The following COL13A1 variants were observed in gnomAD, a reference collection of about 807,000 sequenced individuals.
The protein encoded by COL13A1 is collagen type XIII alpha 1 chain, also known as collagen alpha-1(XIII) chain.
COL13A1 carries 89 observed loss-of-function variants against 130.9 expected under a neutral mutation model. The ratio of observed to expected loss-of-function variants is 0.68; its 90% CI spans 0.57 to 0.81. The LOEUF (loss-of-function observed/expected upper bound fraction) is 0.81. Among genes scored for constraint, COL13A1 ranks in the 30% least tolerant of loss-of-function variants. The probability of loss-of-function intolerance (pLI) is 0.00; values close to 1 mark genes in which losing one functional copy is unlikely to be tolerated. For missense variants in COL13A1, 879 were observed against 934.6 expected (o/e 0.94, Z 0.78); for synonymous variants, 402 against 341.6 (o/e 1.18, Z -1.95).
At chr10:69,821,910 A>T (rs1383872372) in intron 1 of COL13A1, among the ~76,000 whole-genome samples, 1 of 152,142 alleles carries the variant, frequency 6.6e-6, no homozygotes, top group Non-Finnish European at 1.5e-5. Context: ...GAGCCTTGCC[A>T]TCCCCCTACT....
rs1379958196 is a variant in COL13A1, at chr10:69,902,788, C to T, written c.791C>T (p.Pro264Leu). 3 of 1,554,482 alleles carry T rather than the reference C, an allele frequency of 1.9e-6. No individual in the cohort carries two copies. The highest frequency in any genetic ancestry group is 2.4e-5 in the East Asian group (1 of 41,134). The change falls in exon 15 of 41, where the codon CCC becomes CTC. Residue 264 changes from proline (P) to leucine (L), a missense_variant. Pro to Leu is a moderately conservative substitution (Grantham distance 98). Transcript: ENST00000645393. ...SQASIQGPPG[P>L]PGPPGPSGPL... Reference sequence around the variant, plus strand: ...GCCAGCATCCAAGGTCCACCAGGGCCCCCAGGCCCCCCTGGACCAAGTGGA... The same window carrying T: ...GCCAGCATCCAAGGTCCACCAGGGCTCCCAGGCCCCCCTGGACCAAGTGGA...
At position 69,949,940 on chromosome 10, in the gene COL13A1, G is replaced by GTGTGTGCGCGTGTGTT. The variant is rs1418615239; in HGVS notation, c.2058+2604_2058+2605insCGCGTGTGTTTGTGTG. On this transcript the variant is annotated intron_variant, in intron 38 of 40. Transcript: ENST00000645393. Reference sequence around the variant, plus strand: ...GGGGTGCACGCATGTTTGTGTGTGTGTGTGTGTGCGTGTGTTTGTGTGTGC... The same window carrying GTGTGTGCGCGTGTGTT: ...GGGGTGCACGCATGTTTGTGTGTGTGTGTGTGCGCGTGTGTTTGTGTGTGCGTGTGTTTGTGTGTGC... Among the ~76,000 whole-genome samples, 8 of 144,096 alleles carry GTGTGTGCGCGTGTGTT rather than the reference G, an allele frequency of 5.6e-5. 1 individual carries two copies. In the East Asian group the frequency reaches 6.4e-4, roughly 12 times the overall value. The allele number at this position is 144,096 out of a possible 152,430, so 94.5% of individuals were successfully genotyped here.
chr10:69,810,390 C>CAGAGAG (rs1842741165), intron 1 of COL13A1, among the ~76,000 whole-genome samples: 3 of 106,132 alleles, frequency 2.8e-5, no homozygotes, highest in Non-Finnish European at 6.3e-5. Context: ...GACAGAGAGT[C>CAGAGAG]TGTGTGGCCC....
In COL13A1 at chr10:69,936,846, G is replaced by A; in HGVS notation, c.1797+64G>A. Reference sequence around the variant, plus strand: ...AGTAGAAAAGAGGGAAAGTGCACCTGAGACCAGCTGACCCTTTTTCCTAGA... The same window carrying A: ...AGTAGAAAAGAGGGAAAGTGCACCTAAGACCAGCTGACCCTTTTTCCTAGA... On this transcript the variant is annotated intron_variant, in intron 33 of 40. Coordinates refer to ENST00000645393, the MANE Select transcript of COL13A1 (RefSeq NM_001368882.1). 4.4e-6 allele frequency: 7 copies of A among 1,598,298 alleles called. No homozygotes were observed. In the South Asian group the frequency reaches 6.6e-5, roughly 15 times the overall value.
intron 2 of COL13A1, among the ~76,000 whole-genome samples, chr10:69,832,241 A>G (rs1357660670): frequency 2.0e-5 from 3 of 152,216 alleles, no homozygotes. Flanking sequence ...TATTTATGAG[A>G]CACTGTGCTA....
chr10:69,901,604 G>A (rs2062188444), intron 14 of COL13A1, among the ~76,000 whole-genome samples: 1 of 152,196 alleles, frequency 6.6e-6, no homozygotes, highest in Non-Finnish European at 1.5e-5. Context: ...ACACCTGCCA[G>A]GAGGTTCTGC....
Position 69,867,815 on chromosome 10 carries a change from C to G in COL13A1, c.372+10C>G, listed in dbSNP as rs1300674007. On this transcript the variant is annotated intron_variant, in intron 3 of 40. Coordinates refer to ENST00000645393, the MANE Select transcript of COL13A1 (RefSeq NM_001368882.1). Reference sequence around the variant, plus strand: ...TCTTTCAGGACCTCCTGTAAGTACTCAAGCCGAGGGTCTCGTGCATCTGAA... The same window carrying G: ...TCTTTCAGGACCTCCTGTAAGTACTGAAGCCGAGGGTCTCGTGCATCTGAA... The G allele has an allele frequency of 4.2e-6, 3 of 718,496 alleles. No homozygotes were observed. The highest frequency in any genetic ancestry group is 4.0e-5 in the Admixed American group (2 of 50,002). The allele number at this position is 718,496 out of a possible 1,614,324, so 44.5% of individuals were successfully genotyped here. A position where few individuals can be genotyped will look rare whatever the true frequency, so the allele number is the denominator to read the frequency against.
chr10:69,870,490 T>TG (rs2134045057), intron 3 of COL13A1, among the ~76,000 whole-genome samples: 1 of 148,372 alleles, frequency 6.7e-6, no homozygotes, highest in African/African-American at 2.5e-5. Flanking sequence ...TTTTTTTAAT[T>TG]TTTTTTTTTT....
chr10:69,897,329 C>T (rs2061744866), intron 13 of COL13A1: 2 of 751,702 alleles, frequency 2.7e-6, no homozygotes, highest in South Asian at 4.0e-5. Flanking sequence ...CCAAGAAATC[C>T]AGGTGGCCCC....
chr10:69,901,811 G>A (rs760874664), intron 14 of COL13A1, among the ~76,000 whole-genome samples: 15 of 152,162 alleles, frequency 9.9e-5, no homozygotes, highest in African/African-American at 2.9e-4. Flanking sequence ...TGATGCCATC[G>A]CTACCTCCCT....
At chr10:69,805,307 T>G (rs1022600383) in intron 1 of COL13A1, among the ~76,000 whole-genome samples, 1 of 151,442 alleles carries the variant, frequency 6.6e-6, no homozygotes, top group African/African-American at 2.4e-5. Flanking sequence ...GGACAATGAA[T>G]GGGGGTAAAA....
intron 2 of COL13A1, among the ~76,000 whole-genome samples, chr10:69,837,315 A>G (rs1159395423): frequency 6.6e-6 from 1 of 152,106 alleles, no homozygotes; most frequent in Non-Finnish European, 1.5e-5. Flanking sequence ...CAAATGCTTG[A>G]CCACATCAGC....
chr10:69,817,873 G>T (rs994631683), intron 1 of COL13A1, among the ~76,000 whole-genome samples: 1 of 152,146 alleles, frequency 6.6e-6, no homozygotes, highest in South Asian at 2.1e-4. Context: ...TGGGCAGAGT[G>T]TTGAAGCCTA....
chr10:69,941,036 T>C lies in COL13A1; in HGVS notation c.1914+13T>C. 6.2e-7 allele frequency: 1 copy of C among 1,613,794 alleles called. No individual in the cohort carries two copies. Among genetic ancestry groups the C allele is most frequent in the Non-Finnish European group, 8.5e-7 (1 of 1,179,832 alleles). ...GCCTGGGCCACCGGTGAGTGTCACT[T>C]CTCCATCACCCCTCACCCCACTCCA... On this transcript the variant is annotated intron_variant, in intron 35 of 40. Coordinates refer to ENST00000645393, the MANE Select transcript of COL13A1 (RefSeq NM_001368882.1).
Position 69,887,437 on chromosome 10 carries a change from CTTG to C in COL13A1, c.514-16_514-14del. 4 of 1,603,798 alleles carry C rather than the reference CTTG, an allele frequency of 2.5e-6. No individual in the cohort carries two copies. The highest frequency in any genetic ancestry group is 2.2e-5 in the East Asian group (1 of 44,736). ...CCTCCTTGCTCAATCTCATGTGTCTCTTGTTTTTTTTTTTTCAGGGTCAACCAG... is the reference window on the plus strand; with the variant it reads ...CCTCCTTGCTCAATCTCATGTGTCTCTTTTTTTTTTTTCAGGGTCAACCAG... On this transcript the variant is annotated splice_polypyrimidine_tract_variant and intron_variant, in intron 7 of 40. Transcript: ENST00000645393.
intron 39 of COL13A1, 127 bp from the exon 40 acceptor site, chr10:69,956,877 G>A: frequency 7.1e-6 from 5 of 699,544 alleles, no homozygotes; most frequent in African/African-American, 1.7e-5. Context: ...AAAAGAAATA[G>A]ACAAGCGTGG....
chr10:69,937,634 G>A lies in COL13A1; in HGVS notation c.1798-1G>A. ...TCTCGTCCCCTCTCCCTTTCCTCCA[G>A]GGGGAAGCAGGACTAGATGGAGCAA... On this transcript the variant is annotated splice_acceptor_variant, in intron 33 of 40. Transcript: ENST00000645393. LOFTEE classifies it high-confidence loss of function. 1.4e-6 allele frequency: 2 copies of A among 1,471,562 alleles called. No individual in the cohort carries two copies. The highest frequency in any genetic ancestry group is 1.9e-6 in the Non-Finnish European group (2 of 1,050,504). The allele number at this position is 1,471,562 out of a possible 1,614,324, so 91.2% of individuals were successfully genotyped here.
chr10:69,850,035 T>C (rs11598529), intron 2 of COL13A1, among the ~76,000 whole-genome samples: 1 of 152,052 alleles, frequency 6.6e-6, no homozygotes, highest in African/African-American at 2.4e-5. Context: ...ATAGTGACGG[T>C]GACAGACATT....
chr10:69,925,786 A>C lies in COL13A1; in HGVS notation c.1330-18A>C. 6.3e-7 allele frequency: 1 copy of C among 1,582,486 alleles called. No individual in the cohort carries two copies. Among genetic ancestry groups the C allele is most frequent in the Non-Finnish European group, 8.6e-7 (1 of 1,163,670 alleles). ...CTCCCGGTCCAGGCCGTGGGTTGAG[A>C]TCTCATTTGCCTTCCAGGGCTCCAA... On this transcript the variant is annotated intron_variant, in intron 25 of 40. Coordinates refer to ENST00000645393, the MANE Select transcript of COL13A1 (RefSeq NM_001368882.1).
Sources: gnomAD v4.1 joint callset for allele counts (sites outside exome capture counted in the v4.1 genomes callset) on GRCh38, gnomAD v4.1.1 for gene constraint, MANE v1.5 for transcripts, NCBI Gene and HGNC (gene_info 2026-07-23, HGNC 2026-07-21) for gene names.